Variants in RALYL observed in about 807,000 individuals in gnomAD.
RALYL encodes RALY RNA binding protein like, also known as RNA-binding Raly-like protein.
RALYL carries 29 observed loss-of-function variants against 35.1 expected under a neutral mutation model. The ratio of observed to expected loss-of-function variants is 0.83; its 90% CI spans 0.61 to 1.13. RALYL has a LOEUF of 1.13. Among genes scored for constraint, RALYL ranks in the 50% most tolerant of loss-of-function variants. The pLI, the probability that RALYL is intolerant of heterozygous loss-of-function variation, is 0.00. For missense variants in RALYL, 359 were observed against 360.4 expected (o/e 1.00, Z 0.03); for synonymous variants, 120 against 127.6 (o/e 0.94, Z 0.40).
chr8:84,563,641 G>A (rs921091239), intron 2 of RALYL, among the ~76,000 whole-genome samples: 8 of 151,318 alleles, frequency 5.3e-5, no homozygotes, highest in African/African-American at 1.9e-4. Flanking sequence ...GTTTTTATGT[G>A]CAGGAAATTG....
At chr8:84,241,938 TA>T (rs1172325608) in intron 1 of RALYL, among the ~76,000 whole-genome samples, 1 of 152,110 alleles carries the variant, frequency 6.6e-6, no homozygotes, top group African/African-American at 2.4e-5. Context: ...GTTGCACAGA[TA>T]AACCCATCAC....
chr8:84,758,916 G>A (rs528595418), intron 2 of RALYL, among the ~76,000 whole-genome samples: 39 of 152,168 alleles, frequency 2.6e-4, no homozygotes, highest in Non-Finnish European at 4.1e-4. Context: ...GTATCTTAAA[G>A]TTCTGTAGAT....
chr8:84,777,180 C>G (rs1220816550), intron 3 of RALYL, among the ~76,000 whole-genome samples: 1 of 152,110 alleles, frequency 6.6e-6, no homozygotes, highest in African/African-American at 2.4e-5. Flanking sequence ...AGGGTTTGTT[C>G]AAGACAAGAT....
intron 2 of RALYL, among the ~76,000 whole-genome samples, chr8:84,695,905 T>C (rs941734446): frequency 6.6e-6 from 1 of 151,838 alleles, no homozygotes; most frequent in Non-Finnish European, 1.5e-5. Flanking sequence ...CTCCATTCTT[T>C]AAACACTCCT....
At chr8:84,829,233 C>T (rs1416200882) in intron 4 of RALYL, 2 of 152,182 alleles carry the variant, frequency 1.3e-5, no homozygotes, top group African/African-American at 2.4e-5. Context: ...GAAAAACCCA[C>T]TCCCATGATT....
At chr8:84,488,156 A>G (rs1352954126) in intron 1 of RALYL, among the ~76,000 whole-genome samples, 1 of 152,088 alleles carries the variant, frequency 6.6e-6, no homozygotes, top group African/African-American at 2.4e-5. Context: ...CATGGTACAA[A>G]TATTTCATAT....
intron 2 of RALYL, among the ~76,000 whole-genome samples, chr8:84,608,220 G>A (rs969692948): frequency 6.6e-6 from 1 of 152,088 alleles, no homozygotes; most frequent in African/African-American, 2.4e-5. Flanking sequence ...GAGTGGTGAA[G>A]GAATCCCTTG....
intron 2 of RALYL, among the ~76,000 whole-genome samples, chr8:84,731,504 A>G (rs143297688): frequency 2.2e-4 from 33 of 152,100 alleles, no homozygotes; most frequent in African/African-American, 7.5e-4. Context: ...TCCATTTTTA[A>G]TCGATCACCA....
chr8:84,539,888 G>A (rs783785), intron 2 of RALYL, among the ~76,000 whole-genome samples: 4,560 of 48,984 alleles, frequency 0.093, 168 homozygotes, highest in Non-Finnish European at 0.11. Context: ...GTATATATAT[G>A]TGTGTGTGTG....
chr8:84,490,894 A>G (rs1466162310), intron 1 of RALYL, among the ~76,000 whole-genome samples: 5 of 151,740 alleles, frequency 3.3e-5, no homozygotes, highest in Non-Finnish European at 7.4e-5. Flanking sequence ...TTATATTCAA[A>G]TATACTTTTA....
At chr8:84,594,607 TA>T (rs34143613) in intron 2 of RALYL, among the ~76,000 whole-genome samples, 2 of 151,992 alleles carry the variant, frequency 1.3e-5, no homozygotes, top group Admixed American at 6.6e-5. Context: ...CATTTTAATA[TA>T]AAAAATGTTT....
chr8:84,189,579 T>A (rs1813357221), intron 1 of RALYL, among the ~76,000 whole-genome samples: 2 of 152,112 alleles, frequency 1.3e-5, no homozygotes, highest in Admixed American at 1.3e-4. Context: ...AATAGTATTA[T>A]TTTATATGTT....
chr8:84,788,022 G>A (rs772246644), intron 3 of RALYL, among the ~76,000 whole-genome samples: 96 of 152,194 alleles, frequency 6.3e-4, no homozygotes, highest in Middle Eastern at 6.8e-3. Context: ...CTTTAGTTTA[G>A]TTAGATCCCA....
chr8:84,549,117 A>ATACTATG (rs2060550257), intron 2 of RALYL, among the ~76,000 whole-genome samples: 1 of 152,142 alleles, frequency 6.6e-6, no homozygotes, highest in Admixed American at 6.5e-5. Context: ...TCCCACACAG[A>ATACTATG]TACAGCTATG....
chr8:84,359,070 G>A (rs140756207), intron 1 of RALYL, among the ~76,000 whole-genome samples: 2,215 of 152,036 alleles, frequency 0.015, 23 homozygotes, highest in Middle Eastern at 0.044. Context: ...ATACACACAT[G>A]CACCACAAAG....
At chr8:84,609,843 C>G (rs773317850) in intron 2 of RALYL, among the ~76,000 whole-genome samples, 1 of 152,110 alleles carries the variant, frequency 6.6e-6, no homozygotes, top group Non-Finnish European at 1.5e-5. Context: ...CACAGTTCCA[C>G]GTGGCTGGGG....
chr8:84,623,823 CA>C, intron 2 of RALYL, among the ~76,000 whole-genome samples: 1 of 152,064 alleles, frequency 6.6e-6, no homozygotes, highest in Non-Finnish European at 1.5e-5. Context: ...TTGAGCAAAT[CA>C]AAGAGCATGG....
chr8:84,429,191 G>C (rs983691780), intron 1 of RALYL, among the ~76,000 whole-genome samples: 1 of 152,130 alleles, frequency 6.6e-6, no homozygotes, highest in Non-Finnish European at 1.5e-5. Context: ...TGTTGGAATG[G>C]TAATTGGATT....
At chr8:84,255,031 G>A (rs146039571) in intron 1 of RALYL, among the ~76,000 whole-genome samples, 4 of 152,064 alleles carry the variant, frequency 2.6e-5, no homozygotes, top group Admixed American at 2.0e-4. Flanking sequence ...GGGGATTATG[G>A]GGTTACAATC....
Sources: gnomAD v4.1 joint callset for allele counts (sites outside exome capture counted in the v4.1 genomes callset) on GRCh38, gnomAD v4.1.1 for gene constraint, MANE v1.5 for transcripts, NCBI Gene and HGNC (gene_info 2026-07-23, HGNC 2026-07-21) for gene names.